Variants in SLIT3 observed in about 807,000 individuals in gnomAD.
SLIT3 encodes the protein slit guidance ligand 3.
A neutral mutation model predicts 184.0 loss-of-function variants in SLIT3; 68 were observed. The observed-to-expected ratio is 0.37, with a 90% confidence interval of 0.30 to 0.45. SLIT3 has a LOEUF of 0.45. Ranked by LOEUF, SLIT3 falls within the 20% of genes least tolerant of loss-of-function variation. The pLI, the probability that SLIT3 is intolerant of heterozygous loss-of-function variation, is 1.00. For missense variants in SLIT3, 1,707 were observed against 2,026.0 expected, an observed-to-expected ratio of 0.84 and a Z score of 3.02; for synonymous variants, 831 against 828.6, an observed-to-expected ratio of 1.00 and a Z score of -0.05.
intron 5 of SLIT3, among the ~76,000 whole-genome samples, chr5:168,867,694 T>C (rs995642458): frequency 2.2e-4 from 34 of 152,200 alleles, no homozygotes; most frequent in African/African-American, 7.7e-4. Context: ...TTTGGGAAGA[T>C]CTGCTCCCAT....
At chr5:169,099,575 C>T (rs1759928955) in intron 4 of SLIT3, among the ~76,000 whole-genome samples, 1 of 152,182 alleles carries the variant, frequency 6.6e-6, no homozygotes. Flanking sequence ...TGATTATTAG[C>T]CCTATCTTAC....
intron 1 of SLIT3, among the ~76,000 whole-genome samples, chr5:169,273,339 G>C (rs1183081637): frequency 6.6e-6 from 1 of 152,210 alleles, no homozygotes; most frequent in African/African-American, 2.4e-5. Flanking sequence ...ATCTCAGAGA[G>C]AGAGATGATC....
At chr5:168,956,513 G>T (rs1383683014) in intron 4 of SLIT3, among the ~76,000 whole-genome samples, 2 of 152,142 alleles carry the variant, frequency 1.3e-5, no homozygotes, top group Non-Finnish European at 2.9e-5. Flanking sequence ...ATCACAGAGG[G>T]GGCCAGGCAT....
At position 168,692,764 on chromosome 5, in the gene SLIT3, CAGAGTA is replaced by C; in HGVS notation, c.3083-70_3083-65del. The stretch of plus-strand genomic sequence containing the variant: ...GGTAGGGATGCCCTGGCCAGAAGAT[CAGAGTA>C]CTAGGGGGGATATCCTGGCCAGAAG... On this transcript the variant is annotated intron_variant, in intron 28 of 35. Transcript: ENST00000519560. 5.9e-6 allele frequency: 7 copies of C among 1,187,686 alleles called. No individual in the cohort carries two copies. The Admixed American group carries it at 1.2e-4, about 21-fold the overall frequency. 73.6% of individuals were successfully genotyped at this position (1,187,686 alleles called of 1,614,324 possible). A position where few individuals can be genotyped will look rare whatever the true frequency, so the allele number is the denominator to read the frequency against.
chr5:169,149,217 T>C (rs1312699528), intron 4 of SLIT3, among the ~76,000 whole-genome samples: 1 of 152,202 alleles, frequency 6.6e-6, no homozygotes, highest in Non-Finnish European at 1.5e-5. Flanking sequence ...CGCTAACAGA[T>C]TTTATTTGAT....
chr5:169,207,724 C>G (rs145984018), intron 3 of SLIT3, among the ~76,000 whole-genome samples: 8 of 152,310 alleles, frequency 5.3e-5, no homozygotes, highest in Non-Finnish European at 1.0e-4. Context: ...GTCCTTCCCC[C>G]ACTAAAATTC....
At chr5:169,142,952 C>T (rs1248983641) in intron 4 of SLIT3, among the ~76,000 whole-genome samples, 2 of 152,142 alleles carry the variant, frequency 1.3e-5, no homozygotes, top group African/African-American at 4.8e-5. Context: ...TTGGAGCTGC[C>T]AGAGGCCACC....
intron 32 of SLIT3, among the ~76,000 whole-genome samples, chr5:168,676,418 C>T (rs1761413565): frequency 6.6e-6 from 1 of 152,158 alleles, no homozygotes; most frequent in East Asian, 1.9e-4. Context: ...AAAGAGTCCA[C>T]TGAGGAATCT....
intron 5 of SLIT3, among the ~76,000 whole-genome samples, chr5:168,880,349 G>A (rs533276359): frequency 8.5e-5 from 13 of 152,198 alleles, no homozygotes; most frequent in African/African-American, 2.9e-4. Context: ...TCCAGCAACC[G>A]GCTTCCACCT....
chr5:168,815,314 G>A (rs1456500615), intron 8 of SLIT3, among the ~76,000 whole-genome samples: 2 of 152,214 alleles, frequency 1.3e-5, no homozygotes, highest in African/African-American at 2.4e-5. Flanking sequence ...GCTGCTGGGT[G>A]AGCAATGTCT....
intron 4 of SLIT3, among the ~76,000 whole-genome samples, chr5:169,161,522 C>A (rs539976117): frequency 6.6e-6 from 1 of 152,114 alleles, no homozygotes; most frequent in Non-Finnish European, 1.5e-5. Context: ...TTTAAAGCAC[C>A]GTCCTCTTGA....
intron 4 of SLIT3, among the ~76,000 whole-genome samples, chr5:169,041,179 C>A (rs1015400768): frequency 6.6e-6 from 1 of 152,224 alleles, no homozygotes; most frequent in Non-Finnish European, 1.5e-5. Context: ...AGTAACACTT[C>A]TTTTGAGACG....
chr5:169,124,092 T>C (rs1324044325), intron 4 of SLIT3, among the ~76,000 whole-genome samples: 1 of 152,164 alleles, frequency 6.6e-6, no homozygotes, highest in African/African-American at 2.4e-5. Flanking sequence ...TGACTTCTTT[T>C]TACTTCCTAG....
chr5:169,233,407 T>G (rs1388853598), intron 3 of SLIT3, among the ~76,000 whole-genome samples: 1 of 85,368 alleles, frequency 1.2e-5, no homozygotes, highest in African/African-American at 3.4e-5. Context: ...AAATTGTCTT[T>G]TTTTTTTTTT....
intron 14 of SLIT3, among the ~76,000 whole-genome samples, chr5:168,763,113 C>T (rs1436738208): frequency 6.6e-6 from 1 of 152,058 alleles, no homozygotes; most frequent in Admixed American, 6.5e-5. Context: ...TCATGAAAAT[C>T]CAAATGACAA....
intron 4 of SLIT3, among the ~76,000 whole-genome samples, chr5:169,033,079 C>A (rs1321237664): frequency 6.6e-6 from 1 of 151,922 alleles, no homozygotes; most frequent in Admixed American, 6.6e-5. Flanking sequence ...TAATACAGAC[C>A]TCCATCTCCC....
intron 5 of SLIT3, among the ~76,000 whole-genome samples, chr5:168,874,094 T>C (rs1759640605): frequency 6.6e-6 from 1 of 152,212 alleles, no homozygotes; most frequent in Admixed American, 6.5e-5. Context: ...CAGGATTATA[T>C]TTTATATGCC....
rs781295547 is a variant in SLIT3, at chr5:168,692,626, G to A, written c.3157C>T (p.Pro1053Ser). ...NLCQHEAKCI[P>S]LDKGFSCECV... ...TCTTACCTGAATCCTTTGTCCAGGG[G>A]GATGCACTTGGCCTCATGCTGACAG... The change falls in exon 29 of 36, where the codon CCC becomes TCC. Residue 1053 changes from proline to serine, a missense_variant. Transcript: ENST00000519560. 6.2e-7 allele frequency: 1 copy of A among 1,613,802 alleles called. No individual in the cohort carries two copies. The highest frequency in any genetic ancestry group is 8.5e-7 in the Non-Finnish European group (1 of 1,179,758).
At chr5:168,884,667 C>T (rs1269092615) in intron 4 of SLIT3, among the ~76,000 whole-genome samples, 3 of 148,414 alleles carry the variant, frequency 2.0e-5, no homozygotes, top group Non-Finnish European at 3.0e-5. Context: ...CTGTCCCTGT[C>T]ATTAATAGTG....
Sources: gnomAD v4.1 joint callset for allele counts (sites outside exome capture counted in the v4.1 genomes callset) on GRCh38, gnomAD v4.1.1 for gene constraint, MANE v1.5 for transcripts, NCBI Gene and HGNC (gene_info 2026-07-23, HGNC 2026-07-21) for gene names.